DOCK8: variants seen among roughly 807,000 people sequenced by gnomAD.
The protein encoded by DOCK8 is dedicator of cytokinesis 8.
DOCK8 carries 141 observed loss-of-function variants against 245.6 expected under a neutral mutation model. The observed-to-expected ratio is 0.57, with a 90% CI of 0.50 to 0.66. DOCK8 has a LOEUF of 0.66. Ranked by LOEUF, DOCK8 falls within the 30% of genes least tolerant of loss-of-function variation. The probability of loss-of-function intolerance (pLI) is 0.00; values close to 1 mark genes in which losing one functional copy is unlikely to be tolerated. For missense variants in DOCK8, 2,965 were observed against 2,603.4 expected, an observed-to-expected ratio of 1.14 and a Z score of -3.02; for synonymous variants, 1,168 against 970.2, an observed-to-expected ratio of 1.20 and a Z score of -3.79.
intron 24 of DOCK8, 41 bp from the exon 25 acceptor site, chr9:396,744 A>G: frequency 6.2e-7 from 1 of 1,613,700 alleles, no homozygotes; most frequent in Non-Finnish European, 8.5e-7. Flanking sequence ...CAAGCAGGTC[A>G]CCAATCTCCA....
At chr9:214,628 G>A, upstream of DOCK8, 7 of 1,612,922 alleles carry the variant, frequency 4.3e-6, no homozygotes, top group Non-Finnish European at 5.9e-6. Flanking sequence ...GCGCGCAGTG[G>A]TCGCCTGTCG....
intron 14 of DOCK8, among the ~76,000 whole-genome samples, chr9:345,730 T>G (rs1373412923): frequency 6.6e-6 from 1 of 152,144 alleles, no homozygotes. Flanking sequence ...CCCCTTCAGG[T>G]GTCCTGCGTG....
At chr9:412,759 T>C (rs1417806228) in intron 28 of DOCK8, among the ~76,000 whole-genome samples, 7 of 152,016 alleles carry the variant, frequency 4.6e-5, no homozygotes, top group African/African-American at 7.2e-5. Context: ...GAAAGAAAGA[T>C]ATAAATAAAT....
At chr9:411,259 A>T (rs932262180) in intron 28 of DOCK8, among the ~76,000 whole-genome samples, 2 of 152,094 alleles carry the variant, frequency 1.3e-5, no homozygotes, top group African/African-American at 4.8e-5. Flanking sequence ...CTAAAAATAC[A>T]AAAATTAGCT....
intron 14 of DOCK8, among the ~76,000 whole-genome samples, chr9:344,264 TC>T (rs1563944913): frequency 6.6e-6 from 1 of 152,206 alleles, no homozygotes; most frequent in East Asian, 1.9e-4. Flanking sequence ...TATTTTATAG[TC>T]TATTTAAGGA....
Position 334,330 on chromosome 9 carries a change from T to G in DOCK8, c.1231T>G (p.Phe411Val). Residue 411 changes from phenylalanine to valine, a missense_variant, in exon 11 of 48, where the codon TTC (phenylalanine) becomes GTC (valine). By Grantham distance (50) the Phe-to-Val change is conservative. Transcript: ENST00000432829. ...CTGGGCACCCATAAGCTTATCAAGC[T>G]TCTTCAATGTCTCCACCCTTGAGAG... ...FAWAPISLSS[F>V]FNVSTLEREV... 6.2e-7 allele frequency: 1 copy of G among 1,614,198 alleles called. No individual in the cohort carries two copies. Among genetic ancestry groups the G allele is most frequent in the Non-Finnish European group, 8.5e-7 (1 of 1,180,022 alleles).
intron 24 of DOCK8, among the ~76,000 whole-genome samples, chr9:394,834 C>A (rs563933355): frequency 4.1e-4 from 63 of 152,342 alleles, no homozygotes; most frequent in African/African-American, 1.4e-3. Flanking sequence ...ATGTTCTTCT[C>A]TGGAGATCTG....
intron 24 of DOCK8, among the ~76,000 whole-genome samples, chr9:396,122 C>G (rs1477247424): frequency 6.6e-6 from 1 of 152,024 alleles, no homozygotes; most frequent in Admixed American, 6.6e-5. Context: ...TTATGGAACT[C>G]AAAATTTCCC....
intron 1 of DOCK8, among the ~76,000 whole-genome samples, chr9:234,601 TA>T (rs1404283377): frequency 2.6e-5 from 4 of 152,220 alleles, no homozygotes; most frequent in African/African-American, 9.6e-5. Flanking sequence ...TGTTGCTTTT[TA>T]TTCTTTTTTC....
intron 14 of DOCK8, among the ~76,000 whole-genome samples, chr9:346,892 C>T (rs988746374): frequency 4.0e-5 from 6 of 151,056 alleles, no homozygotes; most frequent in South Asian, 2.1e-4. Flanking sequence ...TAACTGCAAA[C>T]GAAGTGGTTA....
chr9:426,760 GCT>G (rs2056517819), intron 33 of DOCK8, 123 bp from the exon 34 acceptor site: 1 of 766,552 alleles, frequency 1.3e-6, no homozygotes, highest in South Asian at 1.5e-5. Context: ...AGGGCCAGTT[GCT>G]CTGTTTTCAT....
chr9:248,547 T>C (rs200882107), intron 1 of DOCK8, among the ~76,000 whole-genome samples: 20 of 67,432 alleles, frequency 3.0e-4, no homozygotes, highest in South Asian at 2.3e-3. Flanking sequence ...CTTTCTTTCT[T>C]TCTCTCTCTC....
At chr9:245,980 G>C (rs1317867040) in intron 1 of DOCK8, among the ~76,000 whole-genome samples, 1 of 152,194 alleles carries the variant, frequency 6.6e-6, no homozygotes, top group Non-Finnish European at 1.5e-5. Flanking sequence ...AGCACTTTGG[G>C]AGGCCAAGGA....
chr9:440,556 C>T (rs1192006925), intron 40 of DOCK8, among the ~76,000 whole-genome samples: 2 of 152,086 alleles, frequency 1.3e-5, no homozygotes, highest in African/African-American at 2.4e-5. Context: ...CTAATATACT[C>T]TCATTTTTCC....
At position 376,136 on chromosome 9, in the gene DOCK8, T is replaced by C. The variant is rs1201501052; in HGVS notation, c.2110-74T>C. ...TATAACCCTGACATTTCCAGTCAAG[T>C]TGGTCTGCATTGCTTGTTAGTAATC... On this transcript the variant is annotated intron_variant, in intron 18 of 47. Coordinates refer to ENST00000432829, the MANE Select transcript of DOCK8 (RefSeq NM_203447.4). 3.0e-6 allele frequency: 3 copies of C among 988,146 alleles called. No homozygotes were observed. In the Admixed American group the frequency reaches 5.1e-5, roughly 17 times the overall value. The allele number at this position is 988,146 out of a possible 1,614,324, so 61.2% of individuals were successfully genotyped here.
rs149877301 is a variant in DOCK8, at chr9:276,229, G to A, written c.156+4500G>A. On this transcript the variant is annotated intron_variant, in intron 2 of 47. Coordinates refer to ENST00000432829, the MANE Select transcript of DOCK8 (RefSeq NM_203447.4). The stretch of plus-strand genomic sequence containing the variant: ...TTTAAAGGTAGACGTATTCCAAATG[G>A]GGGGAATATATAAAGAAAGGTAACA... Among the ~76,000 whole-genome samples, 526 of 152,274 alleles carry A rather than the reference G, an allele frequency of 3.5e-3. 5 individuals are homozygous for A. The highest frequency in any genetic ancestry group is 0.014 in the Middle Eastern group (4 of 294).
At chr9:317,259 G>T in intron 7 of DOCK8, 131 bp downstream of exon 7, 2 of 779,864 alleles carry the variant, frequency 2.6e-6, no homozygotes, top group Non-Finnish European at 4.4e-6. Context: ...GGCAGCTGTG[G>T]AGTAGTAGAA....
intron 2 of DOCK8, among the ~76,000 whole-genome samples, chr9:280,294 G>T (rs2048523025): frequency 6.6e-6 from 1 of 152,178 alleles, no homozygotes; most frequent in Non-Finnish European, 1.5e-5. Flanking sequence ...GAGAAGTATT[G>T]AAAATTGCTT....
At chr9:411,414 AAATAAT>A (rs56390475) in intron 28 of DOCK8, among the ~76,000 whole-genome samples, 2 of 148,438 alleles carry the variant, frequency 1.3e-5, no homozygotes, top group Non-Finnish European at 3.0e-5. Context: ...ACTCCATCAC[AAATAAT>A]AATAATAATA....
Sources: allele counts gnomAD v4.1 joint callset (sites outside exome capture counted in the v4.1 genomes callset), GRCh38; gene constraint gnomAD v4.1.1; transcripts MANE v1.5; gene names NCBI Gene and HGNC (gene_info 2026-07-23, HGNC 2026-07-21).